Variants in LINGO2 observed in about 807,000 individuals in gnomAD.
LINGO2 encodes the protein leucine-rich repeat and immunoglobulin-like domain-containing nogo receptor-interacting protein 2.
Under a neutral mutation model 30.6 loss-of-function variants are expected in LINGO2, and 14 were observed. The observed-to-expected ratio is 0.46, with a 90% CI of 0.30 to 0.72. The LOEUF (loss-of-function observed/expected upper bound fraction) is 0.72, where lower values mean the gene tolerates loss of function less well. LINGO2 is among the 30% of genes least tolerant of loss of function. The pLI is 0.07. For missense variants in LINGO2, 729 were observed against 751.7 expected (o/e 0.97, Z 0.35); for synonymous variants, 317 against 288.5 (o/e 1.10, Z -1.00).
the LINGO2 span, among the ~76,000 whole-genome samples, chr9:29,063,958 G>A: frequency 1.3e-5 from 2 of 152,056 alleles, no homozygotes; most frequent in African/African-American, 2.4e-5. Context: ...CTCACATAAG[G>A]TTCTCAATGA....
At chr9:28,469,919 C>T (rs552038943) in intron 2 of LINGO2, among the ~76,000 whole-genome samples, 1 of 152,072 alleles carries the variant, frequency 6.6e-6, no homozygotes, top group Non-Finnish European at 1.5e-5. Context: ...CAGGGACAAA[C>T]AGAAATAAGA....
intron 5 of LINGO2, among the ~76,000 whole-genome samples, chr9:27,959,337 T>C (rs1202491108): frequency 1.3e-5 from 2 of 151,922 alleles, no homozygotes; most frequent in Non-Finnish European, 1.5e-5. Flanking sequence ...CATTTTCGCT[T>C]CCTAAGATTA....
the LINGO2 span, among the ~76,000 whole-genome samples, chr9:28,807,889 G>A: frequency 0.1 from 15,863 of 151,988 alleles, 900 homozygotes; most frequent in African/African-American, 0.14. Flanking sequence ...CTAACAAATA[G>A]TAAGACCTCA....
chr9:29,178,517 G>T, the LINGO2 span, among the ~76,000 whole-genome samples: 1 of 152,138 alleles, frequency 6.6e-6, no homozygotes, highest in South Asian at 2.1e-4. Context: ...AACCAAGTCA[G>T]CAGTCATCAC....
intron 4 of LINGO2, among the ~76,000 whole-genome samples, chr9:28,228,181 A>G (rs1821237318): frequency 6.6e-6 from 1 of 151,988 alleles, no homozygotes; most frequent in Non-Finnish European, 1.5e-5. Context: ...TTTTATAATT[A>G]TCTAGTGTGA....
At chr9:29,148,263 C>G in the LINGO2 span, among the ~76,000 whole-genome samples, 3 of 152,076 alleles carry the variant, frequency 2.0e-5, no homozygotes, top group Admixed American at 1.3e-4. Context: ...TAAGCTGATC[C>G]TTCCTATAGG....
chr9:29,011,960 A>G, the LINGO2 span, among the ~76,000 whole-genome samples: 1 of 152,236 alleles, frequency 6.6e-6, no homozygotes, highest in African/African-American at 2.4e-5. Flanking sequence ...GACAATAACA[A>G]ATAATGATAG....
At chr9:28,669,176 T>C (rs1366741350) in intron 1 of LINGO2, among the ~76,000 whole-genome samples, 2 of 152,140 alleles carry the variant, frequency 1.3e-5, no homozygotes, top group African/African-American at 4.8e-5. Flanking sequence ...CGTGTATTTG[T>C]GTTTCTATGT....
chr9:28,917,677 C>A, the LINGO2 span, among the ~76,000 whole-genome samples: 1 of 151,962 alleles, frequency 6.6e-6, no homozygotes, highest in Non-Finnish European at 1.5e-5. Context: ...TAGAAAGAAG[C>A]AGTGATTTAC....
At position 28,217,466 on chromosome 9, in the gene LINGO2, CAT is replaced by C. The variant is rs1820807946; in HGVS notation, c.-87+77740_-87+77741del. On this transcript the variant is annotated intron_variant, in intron 4 of 5. Coordinates refer to ENST00000379992, the Ensembl canonical transcript of LINGO2. ...GATAAGTTTGTGCATGTGTTCTAAA[CAT>C]AGCACTCCTGTTCATACCCTTATGC... 8.5e-5 allele frequency among the ~76,000 whole-genome samples: 13 copies of C among 152,076 alleles called. No homozygotes were observed. In the South Asian group the frequency reaches 2.7e-3, roughly 32 times the overall value.
chr9:28,275,578 G>A (rs1243187620), intron 4 of LINGO2, among the ~76,000 whole-genome samples: 3 of 152,108 alleles, frequency 2.0e-5, no homozygotes, highest in African/African-American at 4.8e-5. Flanking sequence ...ACAAGAAGGT[G>A]TCTTCTGTCA....
the LINGO2 span, among the ~76,000 whole-genome samples, chr9:28,975,454 T>C: frequency 0.65 from 98,350 of 151,448 alleles, 32,507 homozygotes; most frequent in Non-Finnish European, 0.72. Flanking sequence ...AGAAGGCTAC[T>C]GGCCTTAAAA....
chr9:28,811,908 C>A, the LINGO2 span, among the ~76,000 whole-genome samples: 1 of 152,008 alleles, frequency 6.6e-6, no homozygotes, highest in African/African-American at 2.4e-5. Flanking sequence ...ACTCGTTTTC[C>A]TTATTCACCC....
Position 28,136,073 on chromosome 9 carries a change from C to G in LINGO2, c.-86-123668G>C, listed in dbSNP as rs567758853. Among the ~76,000 whole-genome samples, 2 of 152,104 alleles carry G rather than the reference C, an allele frequency of 1.3e-5. 1 individual carries two copies. On this transcript the variant is annotated intron_variant, in intron 4 of 5. Coordinates refer to ENST00000379992, the Ensembl canonical transcript of LINGO2. ...TTCAATTCTAATGTCCTGGTTATAT[C>G]TAGTAATTCACTTTGTAGAGTCTGA...
chr9:28,694,111 T>G, the LINGO2 span, among the ~76,000 whole-genome samples: 26 of 151,748 alleles, frequency 1.7e-4, no homozygotes, highest in African/African-American at 6.3e-4. Context: ...CATTTTCAAT[T>G]GAATACATGG....
In LINGO2 at chr9:28,148,671, C is replaced by T. The variant is rs185492424; in HGVS notation, c.-86-136266G>A. 4.6e-3 allele frequency: 7,125 copies of T among 1,533,106 alleles called. 145 individuals carry two copies. In the Admixed American group the frequency reaches 0.059, roughly 13 times the overall value. 95.0% of individuals were successfully genotyped at this position (1,533,106 alleles called of 1,614,324 possible). A position where few individuals can be genotyped will look rare whatever the true frequency, so the allele number is the denominator to read the frequency against. On this transcript the variant is annotated intron_variant, in intron 4 of 5. Coordinates refer to ENST00000379992, the Ensembl canonical transcript of LINGO2. The surrounding 1 kb of genome is among the most constrained non-coding windows in gnomAD (Gnocchi z 5.1). ...CAGACTGACAAGGCCCAGGTGCCTGCAGTGAGTTTCTACTCCAACGGCCAT... is the reference window on the plus strand; with the variant it reads ...CAGACTGACAAGGCCCAGGTGCCTGTAGTGAGTTTCTACTCCAACGGCCAT...
At chr9:28,554,486 C>G (rs910335664) in intron 1 of LINGO2, among the ~76,000 whole-genome samples, 7 of 147,754 alleles carry the variant, frequency 4.7e-5, no homozygotes, top group African/African-American at 1.8e-4. Context: ...CAGGAGCACC[C>G]AGACTCATAA....
the LINGO2 span, among the ~76,000 whole-genome samples, chr9:28,739,810 T>C: frequency 7.9e-5 from 12 of 151,500 alleles, no homozygotes; most frequent in Admixed American, 3.3e-4. Flanking sequence ...AGTTTTGAAA[T>C]CAGAAATAGT....
the LINGO2 span, among the ~76,000 whole-genome samples, chr9:29,060,322 C>A: frequency 6.6e-6 from 1 of 151,934 alleles, no homozygotes; most frequent in Admixed American, 6.6e-5. Context: ...TTACATGAAC[C>A]CACAAAATTC....
Sources: gnomAD v4.1 joint callset for allele counts (sites outside exome capture counted in the v4.1 genomes callset) on GRCh38, gnomAD v4.1.1 for gene constraint, Gnocchi (gnomAD v3.1) non-coding constraint, MANE v1.5 for transcripts, NCBI Gene and HGNC (gene_info 2026-07-23, HGNC 2026-07-21) for gene names.